The following CD160 variants were observed in gnomAD, a reference collection of about 807,000 sequenced individuals.
CD160 encodes the protein CD160 antigen.
In CD160, 11 loss-of-function variants were observed where a neutral mutation model predicts 19.2. The observed-to-expected ratio is 0.57, with a 90% CI of 0.36 to 0.95. The LOEUF (loss-of-function observed/expected upper bound fraction) is 0.95, where lower values mean the gene tolerates loss of function less well. Ranked by LOEUF, CD160 falls within the 40% of genes least tolerant of loss-of-function variation. The pLI is 0.01. For synonymous variants in CD160, 75 were observed against 81.1 expected (o/e 0.93, Z 0.40); for missense variants, 182 against 213.2 (o/e 0.85, Z 0.91).
chr1:145,726,975 A>G (rs1441716648), intron 2 of CD160, among the ~76,000 whole-genome samples: 1 of 152,166 alleles, frequency 6.6e-6, no homozygotes, highest in African/African-American at 2.4e-5. Flanking sequence ...TAAAATACCA[A>G]TAGGACTTTT....
At chr1:145,733,713 G>GT (rs1657380658) in intron 4 of CD160, among the ~76,000 whole-genome samples, 1 of 152,012 alleles carries the variant, frequency 6.6e-6, no homozygotes, top group Admixed American at 6.6e-5. Flanking sequence ...TCCCCTGGCT[G>GT]TTCTACCCAC....
intron 4 of CD160, among the ~76,000 whole-genome samples, chr1:145,731,379 T>C (rs1384399324): frequency 6.6e-6 from 1 of 152,098 alleles, no homozygotes; most frequent in Non-Finnish European, 1.5e-5. Context: ...AGATAGAAAT[T>C]AGGCTTCCTG....
chr1:145,721,299 G>T (rs1425215517), intron 1 of CD160, among the ~76,000 whole-genome samples: 3 of 152,200 alleles, frequency 2.0e-5, no homozygotes, highest in African/African-American at 4.8e-5. Flanking sequence ...CAGGTAGGGG[G>T]TCACTCGGCT....
intron 2 of CD160, among the ~76,000 whole-genome samples, chr1:145,726,278 A>G (rs1314197616): frequency 1.3e-5 from 2 of 152,206 alleles, no homozygotes; most frequent in African/African-American, 2.4e-5. Flanking sequence ...ATAAAGATGC[A>G]CAAGTATGTT....
chr1:145,720,253 T>C (rs1553707627), intron 1 of CD160, among the ~76,000 whole-genome samples: 1 of 152,248 alleles, frequency 6.6e-6, no homozygotes, highest in East Asian at 1.9e-4. Flanking sequence ...TACCACACAT[T>C]CTTCTAATGT....
At chr1:145,720,619 T>C (rs1553707675) in intron 1 of CD160, among the ~76,000 whole-genome samples, 1 of 152,144 alleles carries the variant, frequency 6.6e-6, no homozygotes, top group Non-Finnish European at 1.5e-5. Context: ...TTTGTGGAGC[T>C]CAGAGCTGAC....
At chr1:145,729,108 C>G (rs782663363) in intron 3 of CD160, among the ~76,000 whole-genome samples, 13 of 152,142 alleles carry the variant, frequency 8.5e-5, no homozygotes, top group Non-Finnish European at 1.5e-4. Flanking sequence ...AACAGAGACC[C>G]TATAGAAGTT....
chr1:145,728,316 A>C lies in CD160; in HGVS notation c.-12A>C. ...TTGCTTCAAGTTCCTGGGCCTGCTG[A>C]CAGCGTGCAGGATGCTGTTGGAACC... On this transcript the variant is annotated 5_prime_UTR_variant, in exon 3 of 6. Coordinates refer to ENST00000369288, the MANE Select transcript of CD160 (RefSeq NM_007053.4). 6.2e-7 allele frequency: 1 copy of C among 1,608,666 alleles called. No individual in the cohort carries two copies. Among genetic ancestry groups the C allele is most frequent in the Non-Finnish European group, 8.5e-7 (1 of 1,176,396 alleles).
rs1553709013 is a variant in CD160, at chr1:145,730,740, C to G, written c.74-4C>G. The G allele has an allele frequency of 1.2e-6, 2 of 1,609,188 alleles. No individual in the cohort carries two copies. The highest frequency in any genetic ancestry group is 1.7e-6 in the Non-Finnish European group (2 of 1,178,978). On this transcript the variant is annotated splice_region_variant and splice_polypyrimidine_tract_variant and intron_variant, in intron 3 of 5. Coordinates refer to ENST00000369288, the MANE Select transcript of CD160 (RefSeq NM_007053.4). Reference sequence around the variant, plus strand: ...TCTGGGTAATTCTTCCCTTTCCATTCCAGGATGCATTAACATCACCAGCTC... The same window carrying G: ...TCTGGGTAATTCTTCCCTTTCCATTGCAGGATGCATTAACATCACCAGCTC...
chr1:145,729,049 C>G (rs1421947691), intron 3 of CD160, among the ~76,000 whole-genome samples: 4 of 152,130 alleles, frequency 2.6e-5, no homozygotes, highest in Non-Finnish European at 5.9e-5. Flanking sequence ...AAGAGTAATA[C>G]CTGCCCTCTA....
At chr1:145,725,699 T>C (rs1180834233) in intron 2 of CD160, among the ~76,000 whole-genome samples, 8 of 152,230 alleles carry the variant, frequency 5.3e-5, no homozygotes, top group Admixed American at 1.3e-4. Context: ...ATACATCTCA[T>C]TCTCAAAGCT....
chr1:145,733,210 T>G (rs1657363644), intron 4 of CD160, among the ~76,000 whole-genome samples: 2 of 152,168 alleles, frequency 1.3e-5, no homozygotes, highest in African/African-American at 2.4e-5. Flanking sequence ...CTCTGCTCAC[T>G]GCAACCTCCA....
At chr1:145,729,510 A>G (rs1657201143) in intron 3 of CD160, among the ~76,000 whole-genome samples, 1 of 101,488 alleles carries the variant, frequency 9.9e-6, no homozygotes, top group African/African-American at 5.6e-5. Flanking sequence ...GATATAAGGG[A>G]GAGATTATAA....
chr1:145,735,972 G>A (rs782707941), intron 4 of CD160, 25 bp from the exon 5 acceptor site: 22 of 1,566,938 alleles, frequency 1.4e-5, no homozygotes, highest in Admixed American at 8.6e-5. Flanking sequence ...ACCCTCCCCT[G>A]ATCCATGATT....
intron 4 of CD160, among the ~76,000 whole-genome samples, chr1:145,731,602 G>A (rs944707264): frequency 9.2e-5 from 14 of 152,152 alleles, no homozygotes; most frequent in Admixed American, 1.3e-4. Flanking sequence ...CCTGGGAGGC[G>A]GAGGTTGCAG....
chr1:145,733,255 G>A (rs781922771), intron 4 of CD160, among the ~76,000 whole-genome samples: 2 of 151,824 alleles, frequency 1.3e-5, no homozygotes, highest in Non-Finnish European at 1.5e-5. Context: ...TGCCTCAGCC[G>A]CCCAAATAGC....
chr1:145,736,240 G>A (rs781920756), intron 5 of CD160, 106 bp downstream of exon 5: 6 of 1,575,868 alleles, frequency 3.8e-6, no homozygotes, highest in African/African-American at 2.7e-5. Context: ...ATGTCCAGGG[G>A]GAGAGAAAAA....
chr1:145,722,884 G>A (rs939827229), intron 1 of CD160, among the ~76,000 whole-genome samples: 12 of 152,190 alleles, frequency 7.9e-5, no homozygotes, highest in Non-Finnish European at 1.2e-4. Flanking sequence ...GTGAGACACC[G>A]CGCCCGGCGC....
intron 1 of CD160, among the ~76,000 whole-genome samples, chr1:145,721,295 G>T (rs933728683): frequency 1.3e-5 from 2 of 152,330 alleles, no homozygotes; most frequent in Non-Finnish European, 2.9e-5. Flanking sequence ...GGGGCAGGTA[G>T]GGGGTCACTC....
Sources: gnomAD v4.1 joint callset for allele counts (sites outside exome capture counted in the v4.1 genomes callset) on GRCh38, gnomAD v4.1.1 for gene constraint, MANE v1.5 for transcripts, NCBI Gene and HGNC (gene_info 2026-07-23, HGNC 2026-07-21) for gene names.